The following DNAH14 variants were observed in gnomAD, a reference collection of about 807,000 sequenced individuals.
DNAH14 encodes dynein axonemal heavy chain 14, also known as axonemal beta dynein heavy chain 14.
DNAH14 carries 478 observed loss-of-function variants against 520.9 expected under a neutral mutation model. That is an observed-to-expected ratio of 0.92 (90% CI 0.85 to 0.99). The LOEUF is 0.99. Among genes scored for constraint, DNAH14 ranks in the 50% least tolerant of loss-of-function variants. The pLI, the probability that DNAH14 is intolerant of heterozygous loss-of-function variation, is 0.00. For synonymous variants in DNAH14, 1,581 were observed against 1,757.2 expected (o/e 0.90, Z 2.51); for missense variants, 4,831 against 5,234.5 (o/e 0.92, Z 2.38).
At chr1:225,325,142 G>A (rs2094631202) in intron 64 of DNAH14, among the ~76,000 whole-genome samples, 2 of 148,864 alleles carry the variant, frequency 1.3e-5, no homozygotes, top group Non-Finnish European at 3.0e-5. Flanking sequence ...GCCTTAAACA[G>A]TATCAATCTG....
At position 225,381,438 on chromosome 1, in the gene DNAH14, A is replaced by G. The variant is rs2095782242; in HGVS notation, c.12936A>G (p.Lys4312=). 2 of 1,550,446 alleles carry G rather than the reference A, an allele frequency of 1.3e-6. No individual in the cohort carries two copies. Among genetic ancestry groups the G allele is most frequent in the South Asian group, 1.2e-5 (1 of 83,542 alleles). ...VLLTFLKQEI[K]RFDKLLFVIH... is the part of the protein sequence containing the mutation. ...TAACCTTTTTGAAGCAAGAAATTAA[A>G]CGATTTGATAAGTTATTATTTGTCA... Residue 4312 remains lysine (K), a synonymous_variant, in exon 81 of 86, where the codon AAA becomes AAG. Transcript: ENST00000682510.
chr1:225,367,054 CCATATATA>C (rs1297554173), intron 76 of DNAH14, among the ~76,000 whole-genome samples: 1 of 150,528 alleles, frequency 6.6e-6, no homozygotes, highest in Non-Finnish European at 1.5e-5. Flanking sequence ...CAGCTCTATG[CCATATATA>C]CATATATACA....
At chr1:224,968,415 A>G (rs534198175) in intron 6 of DNAH14, among the ~76,000 whole-genome samples, 2 of 152,286 alleles carry the variant, frequency 1.3e-5, no homozygotes, top group East Asian at 3.9e-4. Flanking sequence ...TGTAGCTAAA[A>G]TTAAGTTCAT....
At chr1:224,945,733 G>T (rs1373716576) in intron 1 of DNAH14, among the ~76,000 whole-genome samples, 3 of 152,302 alleles carry the variant, frequency 2.0e-5, no homozygotes, top group African/African-American at 7.2e-5. Flanking sequence ...GTGCAGGTCT[G>T]TTGGAGTTTG....
At chr1:225,329,512 C>T (rs2150265188) in intron 64 of DNAH14, among the ~76,000 whole-genome samples, 1 of 152,168 alleles carries the variant, frequency 6.6e-6, no homozygotes, top group East Asian at 1.9e-4. Flanking sequence ...TGCTTTTGAG[C>T]AGGGGTGTAA....
chr1:225,072,710 A>G (rs3102111), intron 17 of DNAH14, among the ~76,000 whole-genome samples: 152,079 of 152,350 alleles, frequency 1, 75,904 homozygotes, highest in Middle Eastern at 1. Context: ...GCTGACCTTT[A>G]GATGGTTTTT....
intron 41 of DNAH14, among the ~76,000 whole-genome samples, chr1:225,216,199 C>T (rs376849948): frequency 6.6e-6 from 1 of 151,754 alleles, no homozygotes; most frequent in East Asian, 1.9e-4. Flanking sequence ...AAAATTCTTT[C>T]CTTTAAGAAT....
chr1:225,357,846 T>C, intron 73 of DNAH14: 1 of 702,038 alleles, frequency 1.4e-6, no homozygotes, highest in Non-Finnish European at 2.6e-6. Flanking sequence ...ACATATTTTA[T>C]GGTCATTGTG....
chr1:224,972,929 CTTTTCTGGTATATTAG>C (rs2061587971), intron 7 of DNAH14, among the ~76,000 whole-genome samples: 2 of 152,272 alleles, frequency 1.3e-5, no homozygotes, highest in Admixed American at 1.3e-4. Context: ...CCTCATGAAA[CTTTTCTGGTATATTAG>C]TTTTTGTGAC....
intron 64 of DNAH14, among the ~76,000 whole-genome samples, chr1:225,325,442 A>G (rs1482288837): frequency 1.3e-5 from 2 of 150,972 alleles, no homozygotes; most frequent in Admixed American, 6.6e-5. Context: ...CCGAGATTGA[A>G]CCATTACACT....
At chr1:225,124,056 T>C (rs2077499085) in intron 27 of DNAH14, among the ~76,000 whole-genome samples, 1 of 152,164 alleles carries the variant, frequency 6.6e-6, no homozygotes, top group Non-Finnish European at 1.5e-5. Context: ...CCTGGCCTCC[T>C]GTAGTCTGTT....
chr1:225,327,167 T>C (rs780734652), intron 64 of DNAH14, among the ~76,000 whole-genome samples: 6,260 of 152,058 alleles, frequency 0.041, 186 homozygotes, highest in Middle Eastern at 0.075. Context: ...TAACTTTTTT[T>C]TTTTTTTTGA....
chr1:225,279,333 A>G (rs1045273949), intron 54 of DNAH14, among the ~76,000 whole-genome samples: 2 of 152,246 alleles, frequency 1.3e-5, no homozygotes, highest in East Asian at 3.9e-4. Context: ...GCCCAATTAA[A>G]CATTATAAAT....
chr1:225,268,616 C>G (rs902906604), intron 49 of DNAH14, among the ~76,000 whole-genome samples: 4 of 152,196 alleles, frequency 2.6e-5, no homozygotes, highest in Non-Finnish European at 5.9e-5. Flanking sequence ...AGCTGATAAG[C>G]AACTTCAGCA....
At chr1:225,253,309 C>T (rs2092622833) in intron 44 of DNAH14, among the ~76,000 whole-genome samples, 1 of 152,130 alleles carries the variant, frequency 6.6e-6, no homozygotes, top group South Asian at 2.1e-4. Context: ...ATATCATTTG[C>T]ATGTGACTCC....
At chr1:225,130,281 A>T (rs1481502728) in intron 27 of DNAH14, among the ~76,000 whole-genome samples, 3 of 152,158 alleles carry the variant, frequency 2.0e-5, no homozygotes, top group Non-Finnish European at 4.4e-5. Context: ...GAGATCTCGA[A>T]CTAGAAATAC....
chr1:225,098,313 C>T (rs1177464013), intron 22 of DNAH14, among the ~76,000 whole-genome samples: 3 of 152,084 alleles, frequency 2.0e-5, no homozygotes, highest in African/African-American at 7.2e-5. Flanking sequence ...CATTCAAATT[C>T]ATTGACCTCT....
In DNAH14 at chr1:225,318,632, T is replaced by C. The variant is rs191667479; in HGVS notation, c.9290T>C (p.Ile3097Thr). ...KSVLPAFDKA[I>T]VALNALDKAD... ...GTGCTGCCAGCCTTTGACAAGGCAATTGTGGCTCTGAATGCCCTGGATAAA... is the reference window on the plus strand; with the variant it reads ...GTGCTGCCAGCCTTTGACAAGGCAACTGTGGCTCTGAATGCCCTGGATAAA... Residue 3097 changes from isoleucine to threonine, a missense_variant, in exon 61 of 86, where the codon ATT (isoleucine) becomes ACT (threonine). By Grantham distance (89) the Ile-to-Thr change is moderately conservative. Coordinates refer to ENST00000682510, the MANE Select transcript of DNAH14 (RefSeq NM_001367479.1). The C allele has an allele frequency of 1.4e-4, 216 of 1,550,452 alleles. No homozygotes were observed. The highest frequency in any genetic ancestry group is 2.3e-4 in the African/African-American group (17 of 73,158).
intron 3 of DNAH14, among the ~76,000 whole-genome samples, chr1:224,955,382 T>A (rs1188909302): frequency 6.6e-6 from 1 of 152,168 alleles, no homozygotes; most frequent in East Asian, 1.9e-4. Flanking sequence ...TTCATGCATA[T>A]CATGTCATTT....
Sources: gnomAD v4.1 joint callset for allele counts (sites outside exome capture counted in the v4.1 genomes callset) on GRCh38, gnomAD v4.1.1 for gene constraint, MANE v1.5 for transcripts, NCBI Gene and HGNC (gene_info 2026-07-23, HGNC 2026-07-21) for gene names.